Variants in CCDC148 observed in about 807,000 individuals in gnomAD.
CCDC148 encodes coiled-coil domain-containing protein 148.
In CCDC148, 89 loss-of-function variants were observed where a neutral mutation model predicts 85.7. The observed-to-expected ratio is 1.04, with a 90% CI of 0.87 to 1.24. The LOEUF (loss-of-function observed/expected upper bound fraction) is 1.24. CCDC148 is among the 50% of genes most tolerant of loss of function. CCDC148 has a pLI of 0.00. For missense variants in CCDC148, 692 were observed against 671.7 expected (o/e 1.03, Z -0.33); for synonymous variants, 230 against 213.9 (o/e 1.08, Z -0.66).
intron 2 of CCDC148, among the ~76,000 whole-genome samples, chr2:158,354,351 A>G (rs1212369943): frequency 6.6e-6 from 1 of 152,324 alleles, no homozygotes; most frequent in East Asian, 1.9e-4. Context: ...AAAGAAAAAA[A>G]GAGAGAAGAA....
Position 158,345,226 on chromosome 2 carries a change from C to G in CCDC148, c.240G>C (p.Leu80=), listed in dbSNP as rs1443935899. The change falls in exon 3 of 14, where the codon CTG becomes CTC. Residue 80 remains leucine, a synonymous_variant. Coordinates refer to ENST00000283233, the MANE Select transcript of CCDC148 (RefSeq NM_138803.4). Reference sequence around the variant, plus strand: ...CCCCCAGTTCTTACCTGACTTCATTCAGCCTCTGGTATTCCTGCCACCACA... The same window carrying G: ...CCCCCAGTTCTTACCTGACTTCATTGAGCCTCTGGTATTCCTGCCACCACA... ...KQVWWQEYQR[L]NEVRCKMESE... 1 of 1,612,852 alleles carries G rather than the reference C, an allele frequency of 6.2e-7. No homozygotes were observed. Among genetic ancestry groups the G allele is most frequent in the Admixed American group, 1.7e-5 (1 of 59,888 alleles).
rs940667120 is a variant in CCDC148 at position 158,456,713 on chromosome 2, C to T, written c.-274G>A. The T allele has an allele frequency of 5.9e-6, 3 of 510,386 alleles. No individual in the cohort carries two copies. Among genetic ancestry groups the T allele is most frequent in the African/African-American group, 3.9e-5 (2 of 51,922 alleles). 31.6% of individuals were successfully genotyped at this position (510,386 alleles called of 1,614,324 possible). A position where few individuals can be genotyped will look rare whatever the true frequency, so the allele number is the denominator to read the frequency against. Reference sequence around the variant, plus strand: ...GAGACACCTTCTCTCTCACACCCACCCTCTCCAGGCCCTCTCGCGCTGAAC... The same window carrying T: ...GAGACACCTTCTCTCTCACACCCACTCTCTCCAGGCCCTCTCGCGCTGAAC... On this transcript the variant is annotated 5_prime_UTR_variant, in exon 1 of 14. Coordinates refer to ENST00000283233, the MANE Select transcript of CCDC148 (RefSeq NM_138803.4).
rs1045515876 is a variant in CCDC148 at position 158,359,002 on chromosome 2, G to A, written c.26-432C>T. Among the ~76,000 whole-genome samples the A allele has an allele frequency of 5.3e-5, 8 of 152,026 alleles. No individual in the cohort carries two copies. The South Asian group carries it at 1.5e-3, about 28-fold the overall frequency. On this transcript the variant is annotated intron_variant, in intron 1 of 13. Transcript: ENST00000283233. ...CAGTCATAGATGCATTTTTAACTTA[G>A]AAAAATCTAAATAATTTTAACTAAT...
intron 1 of CCDC148, among the ~76,000 whole-genome samples, chr2:158,445,204 T>C (rs995233408): frequency 1.3e-4 from 20 of 152,226 alleles, no homozygotes; most frequent in Non-Finnish European, 2.9e-4. Flanking sequence ...TAAATGCCTA[T>C]GATTTTAAAA....
intron 1 of CCDC148, among the ~76,000 whole-genome samples, chr2:158,372,758 C>T (rs1684499655): frequency 1.3e-5 from 2 of 152,068 alleles, no homozygotes; most frequent in African/African-American, 4.8e-5. Flanking sequence ...CACCCAAATA[C>T]ATCATAGAAC....
At chr2:158,306,574 A>G (rs1168141148) in intron 9 of CCDC148, among the ~76,000 whole-genome samples, 1 of 152,046 alleles carries the variant, frequency 6.6e-6, no homozygotes, top group Admixed American at 6.6e-5. Flanking sequence ...AAACTATCAC[A>G]AGAACAAAAA....
chr2:158,196,895 T>TA (rs760826303), intron 11 of CCDC148, among the ~76,000 whole-genome samples: 3 of 152,186 alleles, frequency 2.0e-5, no homozygotes, highest in Non-Finnish European at 4.4e-5. Context: ...AACTTTAAAT[T>TA]AAAATATCTG....
chr2:158,407,119 T>C (rs1200783337), intron 1 of CCDC148, among the ~76,000 whole-genome samples: 1 of 152,144 alleles, frequency 6.6e-6, no homozygotes, highest in Admixed American at 6.5e-5. Flanking sequence ...ACAAAATTAT[T>C]TCTGCCTGGG....
At chr2:158,288,357 TG>T (rs1242119646) in intron 9 of CCDC148, among the ~76,000 whole-genome samples, 2 of 152,240 alleles carry the variant, frequency 1.3e-5, no homozygotes, top group African/African-American at 4.8e-5. Context: ...ATTGTCAGGC[TG>T]AAAATTTTCT....
At chr2:158,284,830 A>T (rs1490761738) in intron 9 of CCDC148, among the ~76,000 whole-genome samples, 1 of 152,218 alleles carries the variant, frequency 6.6e-6, no homozygotes, top group Non-Finnish European at 1.5e-5. Flanking sequence ...CATCTGTAGA[A>T]ATTATCACAA....
At chr2:158,366,402 A>G (rs10933471) in intron 1 of CCDC148, among the ~76,000 whole-genome samples, 27,009 of 151,932 alleles carry the variant, frequency 0.18, 3,929 homozygotes, top group African/African-American at 0.4. Context: ...GAAATTACCT[A>G]AATTGAAGAA....
At chr2:158,268,286 G>A (rs1689558444) in intron 9 of CCDC148, among the ~76,000 whole-genome samples, 2 of 151,968 alleles carry the variant, frequency 1.3e-5, no homozygotes, top group Non-Finnish European at 2.9e-5. Flanking sequence ...GGGGGAGAGG[G>A]GTTGATTTAC....
intron 9 of CCDC148, among the ~76,000 whole-genome samples, chr2:158,258,956 C>T (rs1043210091): frequency 6.6e-6 from 1 of 151,828 alleles, no homozygotes; most frequent in Admixed American, 6.6e-5. Flanking sequence ...TTTGGCCCAG[C>T]CTGTGTCTGC....
chr2:158,441,705 CTTA>C (rs1439581874), intron 1 of CCDC148, among the ~76,000 whole-genome samples: 2 of 152,100 alleles, frequency 1.3e-5, no homozygotes, highest in Admixed American at 1.3e-4. Context: ...AGTACATGTA[CTTA>C]TTAGCCTTTT....
At chr2:158,199,525 G>A (rs1228382034) in intron 11 of CCDC148, among the ~76,000 whole-genome samples, 2 of 152,184 alleles carry the variant, frequency 1.3e-5, no homozygotes, top group South Asian at 4.1e-4. Flanking sequence ...GATTACAAGT[G>A]TGAGCCACCA....
intron 9 of CCDC148, among the ~76,000 whole-genome samples, chr2:158,294,002 C>CTCCTTCCTTCCTTCCTTCCT (rs1185894027): frequency 1.3e-4 from 2 of 15,230 alleles, no homozygotes; most frequent in African/African-American, 6.4e-4. Context: ...CCCTCCCTCC[C>CTCCTTCCTTCCTTCCTTCCT]TCCTTCCTTC....
chr2:158,224,606 C>G (rs1340613474), intron 10 of CCDC148, among the ~76,000 whole-genome samples: 1 of 152,194 alleles, frequency 6.6e-6, no homozygotes, highest in Non-Finnish European at 1.5e-5. Flanking sequence ...AGCTGATCTC[C>G]TGGCTGAAAC....
chr2:158,391,054 T>C (rs1368297017), intron 1 of CCDC148, among the ~76,000 whole-genome samples: 1 of 152,176 alleles, frequency 6.6e-6, no homozygotes, highest in Non-Finnish European at 1.5e-5. Context: ...ATTCATTCAT[T>C]TGACAAAATA....
intron 1 of CCDC148, among the ~76,000 whole-genome samples, chr2:158,431,803 T>C (rs1450183231): frequency 6.6e-6 from 1 of 152,062 alleles, no homozygotes; most frequent in Non-Finnish European, 1.5e-5. Flanking sequence ...CTGGGTGTGA[T>C]GGTGTGTGCC....
Sources: allele counts gnomAD v4.1 joint callset (sites outside exome capture counted in the v4.1 genomes callset), GRCh38; gene constraint gnomAD v4.1.1; transcripts MANE v1.5; gene names NCBI Gene and HGNC (gene_info 2026-07-23, HGNC 2026-07-21).